Variants in CNTNAP4 observed in about 807,000 individuals in gnomAD.
CNTNAP4 encodes the protein contactin-associated protein-like 4.
Under a neutral mutation model 148.4 loss-of-function variants are expected in CNTNAP4, and 98 were observed. That is an observed-to-expected ratio of 0.66 (90% CI 0.56 to 0.78). The LOEUF (loss-of-function observed/expected upper bound fraction) is 0.78. Among genes scored for constraint, CNTNAP4 ranks in the 30% least tolerant of loss-of-function variants. The pLI is 0.00. For synonymous variants in CNTNAP4, 730 were observed against 565.1 expected (o/e 1.29, Z -4.14); for missense variants, 1,935 against 1,565.6 (o/e 1.24, Z -3.98).
intron 3 of CNTNAP4, among the ~76,000 whole-genome samples, chr16:76,403,825 A>G (rs1171365976): frequency 6.6e-6 from 1 of 152,248 alleles, no homozygotes; most frequent in Non-Finnish European, 1.5e-5. Context: ...GACTGGATAA[A>G]GAAAATATGG....
intron 1 of CNTNAP4, among the ~76,000 whole-genome samples, chr16:76,308,133 T>C (rs1331064674): frequency 6.6e-6 from 1 of 152,180 alleles, no homozygotes; most frequent in African/African-American, 2.4e-5. Context: ...ATTTTTTTTT[T>C]AGATTTAAGC....
intron 2 of CNTNAP4, among the ~76,000 whole-genome samples, chr16:76,351,412 C>T (rs765350535): frequency 4.6e-5 from 7 of 152,060 alleles, no homozygotes; most frequent in Non-Finnish European, 1.0e-4. Flanking sequence ...CTCTATCGCT[C>T]AGTCTATCTG....
At chr16:76,454,070 A>T (rs1035759304) in intron 8 of CNTNAP4, among the ~76,000 whole-genome samples, 1 of 150,898 alleles carries the variant, frequency 6.6e-6, no homozygotes, top group African/African-American at 2.4e-5. Flanking sequence ...CTTCAGTGCA[A>T]CGTTACTTTG....
intron 15 of CNTNAP4, among the ~76,000 whole-genome samples, chr16:76,516,728 G>A (rs1017372020): frequency 6.6e-6 from 1 of 152,224 alleles, no homozygotes; most frequent in Non-Finnish European, 1.5e-5. Flanking sequence ...AGTAGAAAGA[G>A]ATGAACTATT....
chr16:76,336,897 C>G (rs1427414960), intron 2 of CNTNAP4, among the ~76,000 whole-genome samples: 2 of 152,126 alleles, frequency 1.3e-5, no homozygotes, highest in African/African-American at 4.8e-5. Flanking sequence ...CTGTTTTTCT[C>G]AGTGACCTCT....
At chr16:76,343,851 A>G (rs915821783) in intron 2 of CNTNAP4, among the ~76,000 whole-genome samples, 16 of 152,334 alleles carry the variant, frequency 1.1e-4, no homozygotes, top group South Asian at 6.2e-4. Context: ...ATGGTAATGT[A>G]TCATGATTTT....
chr16:76,541,031 A>G (rs545116430), intron 21 of CNTNAP4, among the ~76,000 whole-genome samples: 1 of 152,326 alleles, frequency 6.6e-6, no homozygotes, highest in Non-Finnish European at 1.5e-5. Flanking sequence ...TCCTGTCTCA[A>G]TAAAGTATAA....
At chr16:76,467,329 T>C (rs755962521) in intron 9 of CNTNAP4, 23 bp from the exon 10 acceptor site, 5 of 1,610,682 alleles carry the variant, frequency 3.1e-6, no homozygotes, top group Middle Eastern at 1.7e-4. Context: ...TGATGCGTAC[T>C]GGATTTATTT....
rs191958931 is a variant in CNTNAP4 at position 76,398,936 on chromosome 16, A to T, written c.391-28516A>T. ...AATTGTAATAATCCCCCCTGTGTCAAGGGGGGGTCCAGGTGGAGATAATTG... is the reference window on the plus strand; with the variant it reads ...AATTGTAATAATCCCCCCTGTGTCATGGGGGGGTCCAGGTGGAGATAATTG... On this transcript the variant is annotated intron_variant, in intron 3 of 23. Transcript: ENST00000611870. Among the ~76,000 whole-genome samples the T allele has an allele frequency of 1.8e-4, 27 of 152,056 alleles. No homozygotes were observed. In the East Asian group the frequency reaches 5.0e-3, roughly 28 times the overall value.
At chr16:76,415,324 A>G (rs1016145649) in intron 3 of CNTNAP4, among the ~76,000 whole-genome samples, 1 of 151,250 alleles carries the variant, frequency 6.6e-6, no homozygotes, top group Non-Finnish European at 1.5e-5. Context: ...TCTACAAAAT[A>G]TATTTATAAT....
intron 3 of CNTNAP4, among the ~76,000 whole-genome samples, chr16:76,383,441 T>G (rs1182892705): frequency 7.3e-6 from 1 of 136,944 alleles, no homozygotes; most frequent in Non-Finnish European, 1.6e-5. Context: ...AGGGGAACAA[T>G]GAGCAAGGTG....
intron 12 of CNTNAP4, among the ~76,000 whole-genome samples, chr16:76,488,972 T>A (rs1176074126): frequency 6.6e-6 from 1 of 152,202 alleles, no homozygotes; most frequent in African/African-American, 2.4e-5. Flanking sequence ...AGATGCTGTG[T>A]CAGATGCATT....
intron 13 of CNTNAP4, among the ~76,000 whole-genome samples, chr16:76,492,455 C>A (rs1203339987): frequency 6.6e-6 from 1 of 152,086 alleles, no homozygotes; most frequent in African/African-American, 2.4e-5. Context: ...TCAAAGTTGA[C>A]AAAGAAGTCA....
intron 8 of CNTNAP4, among the ~76,000 whole-genome samples, chr16:76,455,487 C>T (rs1317897049): frequency 1.3e-5 from 2 of 152,168 alleles, no homozygotes; most frequent in African/African-American, 4.8e-5. Context: ...TTTGTCAATC[C>T]ACCTTCCTCC....
At chr16:76,352,543 A>G (rs371325183) in intron 2 of CNTNAP4, among the ~76,000 whole-genome samples, 68 of 152,254 alleles carry the variant, frequency 4.5e-4, no homozygotes, top group African/African-American at 1.5e-3. Flanking sequence ...TGCCTGCTCC[A>G]TGGATGAGGG....
intron 2 of CNTNAP4, among the ~76,000 whole-genome samples, chr16:76,329,059 A>G (rs1210952374): frequency 6.6e-6 from 1 of 152,266 alleles, no homozygotes; most frequent in Non-Finnish European, 1.5e-5. Flanking sequence ...TTAAAAACAC[A>G]TGTAAATACT....
chr16:76,476,009 A>G lies in CNTNAP4; in HGVS notation c.1726A>G (p.Thr576Ala), dbSNP rs765306859. The G allele has an allele frequency of 8.7e-6, 14 of 1,613,490 alleles. No homozygotes were observed. Among genetic ancestry groups the G allele is most frequent in the South Asian group, 6.6e-5 (6 of 91,070 alleles). Residue 576 changes from threonine (T) to alanine (A), a missense_variant, in exon 11 of 24, where the codon ACC becomes GCC. Thr to Ala is a moderately conservative substitution (Grantham distance 58). Coordinates refer to ENST00000611870, the MANE Select transcript of CNTNAP4 (RefSeq NM_033401.5). ...CTGGAGCACCTTTCATTGTAACTGT[A>G]CCAACACTGGTTACAGAGGAGCTAC... is the stretch of plus-strand genomic sequence containing the variant. Reference protein sequence around the residue: ...QSWSTFHCNCTNTGYRGATCH... With the variant: ...QSWSTFHCNCANTGYRGATCH...
intron 4 of CNTNAP4, among the ~76,000 whole-genome samples, chr16:76,436,439 C>T (rs2079829378): frequency 6.6e-6 from 1 of 151,920 alleles, no homozygotes; most frequent in African/African-American, 2.4e-5. Context: ...CCTTGCAGTT[C>T]AGCCACTCAC....
At chr16:76,325,459 G>A (rs573675935) in intron 2 of CNTNAP4, among the ~76,000 whole-genome samples, 1 of 152,092 alleles carries the variant, frequency 6.6e-6, no homozygotes. Flanking sequence ...CAGAGTAAGT[G>A]CCCTAGCTAT....
Sources: allele counts gnomAD v4.1 joint callset (sites outside exome capture counted in the v4.1 genomes callset), GRCh38; gene constraint gnomAD v4.1.1; transcripts MANE v1.5; gene names NCBI Gene and HGNC (gene_info 2026-07-23, HGNC 2026-07-21).